The following TRANK1 variants were observed in gnomAD, a reference collection of about 807,000 sequenced individuals.
The protein encoded by TRANK1 is TPR and ankyrin repeat-containing protein 1.
In TRANK1, 198 loss-of-function variants were observed where a neutral mutation model predicts 266.0. The observed-to-expected ratio is 0.74, with a 90% CI of 0.66 to 0.84. TRANK1 has a LOEUF of 0.84. Ranked by LOEUF, TRANK1 falls within the 40% of genes least tolerant of loss-of-function variation. TRANK1 has a pLI of 0.00. For missense variants in TRANK1, 3,326 were observed against 3,634.6 expected, an observed-to-expected ratio of 0.92 and a Z score of 2.18; for synonymous variants, 1,396 against 1,384.1, an observed-to-expected ratio of 1.01 and a Z score of -0.19.
chr3:36,919,202 G>C, intron 1 of TRANK1, among the ~76,000 whole-genome samples: 1 of 152,046 alleles, frequency 6.6e-6, no homozygotes, highest in Admixed American at 6.6e-5. Context: ...ACTACTCTTC[G>C]GTGTTCAGCT....
At chr3:36,936,014 G>C (rs920893626) in intron 1 of TRANK1, among the ~76,000 whole-genome samples, 1 of 152,164 alleles carries the variant, frequency 6.6e-6, no homozygotes, top group Non-Finnish European at 1.5e-5. Flanking sequence ...AAGGGAAAAG[G>C]TGTATACAAA....
At chr3:36,866,048 A>C (rs982585290) in intron 9 of TRANK1, among the ~76,000 whole-genome samples, 1 of 131,310 alleles carries the variant, frequency 7.6e-6, no homozygotes, top group Admixed American at 8.0e-5. Flanking sequence ...GACAGACAGA[A>C]AGAAAAAGAA....
rs1206455122 is a variant in TRANK1 at position 36,857,303 on chromosome 3, CCCT to C, written c.2416_2418del (p.Arg806del). The C allele has an allele frequency of 7.5e-6, 12 of 1,609,218 alleles. No homozygotes were observed. The highest frequency in any genetic ancestry group is 1.0e-5 in the Non-Finnish European group (12 of 1,177,626). On this transcript the variant is annotated inframe_deletion, in exon 13 of 24. Coordinates refer to ENST00000645898, the MANE Select transcript of TRANK1 (RefSeq NM_001329998.2). This position sits in a 1 kb window ranked among gnomAD's most constrained non-coding sequence, Gnocchi z 4.3. ...TCCTGATCATCATTGCCCTCCTTCC[CCCT>C]GTTATCATCAGGCACAAGCTGCAAG... is the stretch of plus-strand genomic sequence containing the variant.
chr3:36,899,191 A>T lies in TRANK1; in HGVS notation c.351T>A (p.Phe117Leu). The T allele has an allele frequency of 6.5e-7, 1 of 1,537,278 alleles. No individual in the cohort carries two copies. The highest frequency in any genetic ancestry group is 2.4e-5 in the East Asian group (1 of 40,918). ...TTCTCTGCACAAGTCGCAGACCCTC[A>T]AAAAACATGCGAGCGGCTTCGTAAG... The part of the protein sequence containing the change: ...HQPYEAARMF[F>L]EGLRLVQRSQ... The change falls in exon 4 of 24, where the codon TTT becomes TTA. Residue 117 changes from phenylalanine (F) to leucine (L), a missense_variant. Physicochemically the swap from Phe to Leu is conservative, Grantham distance 22 (BLOSUM62 0). Coordinates refer to ENST00000645898, the MANE Select transcript of TRANK1 (RefSeq NM_001329998.2).
chr3:36,921,900 AG>A (rs1392037901), intron 1 of TRANK1, among the ~76,000 whole-genome samples: 1 of 152,182 alleles, frequency 6.6e-6, no homozygotes, highest in African/African-American at 2.4e-5. Flanking sequence ...CCAAAACTTT[AG>A]AAGGCTGGGC....
At chr3:36,847,476 C>CACAGGATGGATCTTTCT in intron 15 of TRANK1, 130 bp from the exon 16 acceptor site, 1 of 916,546 alleles carries the variant, frequency 1.1e-6, no homozygotes, top group Non-Finnish European at 1.6e-6. Flanking sequence ...TGAGAAAGAT[C>CACAGGATGGATCTTTCT]CATCCTGTGA....
chr3:36,886,782 C>T (rs1199790972), intron 8 of TRANK1, among the ~76,000 whole-genome samples: 1 of 151,944 alleles, frequency 6.6e-6, no homozygotes, highest in Non-Finnish European at 1.5e-5. Context: ...CATAGTAGCA[C>T]GCATCTGTAC....
At chr3:36,845,945 G>A (rs144643633) in intron 17 of TRANK1, among the ~76,000 whole-genome samples, 56 of 152,282 alleles carry the variant, frequency 3.7e-4, no homozygotes, top group African/African-American at 1.3e-3. Flanking sequence ...TTAATCAGCT[G>A]TACAAACACT....
intron 1 of TRANK1, among the ~76,000 whole-genome samples, chr3:36,934,982 G>C (rs1432094852): frequency 6.6e-6 from 1 of 152,084 alleles, no homozygotes; most frequent in African/African-American, 2.4e-5. Context: ...CCCTCACCCA[G>C]CTCCAGCATG....
In TRANK1 at chr3:36,830,961, G is replaced by T. The variant is rs1368046662; in HGVS notation, c.8622C>A (p.His2874Gln). The change falls in exon 22 of 24, where the codon CAC (histidine) becomes CAA (glutamine). Residue 2874 changes from histidine to glutamine, a missense_variant. Transcript: ENST00000645898. ...CCTGGACCTTCTGCAGCATGTGGCT[G>T]TGCTCCTTGGAGCCCACGTGACTGT... is the stretch of plus-strand genomic sequence containing the variant. ...WIHSHVGSKE[H>Q]SHMLQKVQEH... 1.9e-6 allele frequency: 3 copies of T among 1,613,874 alleles called. No homozygotes were observed. The African/African-American group carries it at 4.0e-5, about 22-fold the overall frequency.
At chr3:36,843,048 G>A (rs1175520873) in intron 17 of TRANK1, among the ~76,000 whole-genome samples, 2 of 152,180 alleles carry the variant, frequency 1.3e-5, no homozygotes, top group Admixed American at 6.6e-5. Context: ...AGAGGCCTCA[G>A]AAGAAACCAA....
At chr3:36,937,928 C>A (rs1483324117) in intron 1 of TRANK1, among the ~76,000 whole-genome samples, 1 of 152,222 alleles carries the variant, frequency 6.6e-6, no homozygotes, top group Non-Finnish European at 1.5e-5. Context: ...CCACCCAGAA[C>A]CTTCTCCAAG....
At chr3:36,855,100 T>C in intron 13 of TRANK1, 73 bp downstream of exon 13, 1 of 1,353,564 alleles carries the variant, frequency 7.4e-7, no homozygotes, top group Non-Finnish European at 1.0e-6. Flanking sequence ...CAAGAGCTAG[T>C]CTGCAGCTTC....
chr3:36,916,061 G>A (rs2080119811), intron 1 of TRANK1, among the ~76,000 whole-genome samples: 1 of 152,164 alleles, frequency 6.6e-6, no homozygotes, highest in South Asian at 2.1e-4. Context: ...AACTTTCTGT[G>A]ATAATGCAAA....
At chr3:36,909,737 T>C (rs185863662) in intron 1 of TRANK1, among the ~76,000 whole-genome samples, 1 of 152,304 alleles carries the variant, frequency 6.6e-6, no homozygotes, top group Non-Finnish European at 1.5e-5. Context: ...TTTAAACAAT[T>C]TGACTTCTTG....
chr3:36,861,641 T>C (rs1248931159), intron 10 of TRANK1, among the ~76,000 whole-genome samples: 1 of 152,108 alleles, frequency 6.6e-6, no homozygotes, highest in African/African-American at 2.4e-5. Context: ...TGATCTTTGA[T>C]GTCTAAAGAC....
intron 2 of TRANK1, among the ~76,000 whole-genome samples, chr3:36,905,063 C>T (rs564942486): frequency 3.3e-5 from 5 of 151,628 alleles, no homozygotes; most frequent in African/African-American, 4.8e-5. Context: ...GCCGAGCGGG[C>T]GGATCACGAG....
intron 3 of TRANK1, 129 bp downstream of exon 3, chr3:36,903,020 A>C (rs985496576): frequency 8.2e-7 from 1 of 1,225,744 alleles, no homozygotes; most frequent in African/African-American, 1.5e-5. Context: ...GCAGGCTAAA[A>C]GGAAGGAGGC....
chr3:36,876,508 T>C (rs2079389996), intron 8 of TRANK1, among the ~76,000 whole-genome samples: 1 of 152,208 alleles, frequency 6.6e-6, no homozygotes, highest in Non-Finnish European at 1.5e-5. Context: ...TTGACTGAGA[T>C]TGACAAATTG....
Sources: allele counts gnomAD v4.1 joint callset (sites outside exome capture counted in the v4.1 genomes callset), GRCh38; gene constraint gnomAD v4.1.1; non-coding constraint Gnocchi (gnomAD v3.1); transcripts MANE v1.5; gene names NCBI Gene and HGNC (gene_info 2026-07-23, HGNC 2026-07-21).